HIF1A: variants seen among roughly 807,000 people sequenced by gnomAD.
HIF1A encodes the protein hypoxia-inducible factor 1-alpha.
A neutral mutation model predicts 92.7 loss-of-function variants in HIF1A; 24 were observed. The observed-to-expected ratio is 0.26, with a 90% CI of 0.19 to 0.36. The LOEUF (loss-of-function observed/expected upper bound fraction) is 0.36, where lower values mean the gene tolerates loss of function less well. Ranked by LOEUF, HIF1A falls within the 10% of genes least tolerant of loss-of-function variation. The probability of loss-of-function intolerance (pLI) is 1.00; values close to 1 mark genes in which losing one functional copy is unlikely to be tolerated. For synonymous variants in HIF1A, 319 were observed against 338.7 expected, an observed-to-expected ratio of 0.94 and a Z score of 0.64; for missense variants, 799 against 998.5, an observed-to-expected ratio of 0.80 and a Z score of 2.69.
At chr14:61,702,630 C>G (rs538260189) in intron 1 of HIF1A, among the ~76,000 whole-genome samples, 1 of 152,040 alleles carries the variant, frequency 6.6e-6, no homozygotes, top group East Asian at 1.9e-4. Flanking sequence ...ATTGATTATT[C>G]TCTTTGCTTT....
intron 1 of HIF1A, among the ~76,000 whole-genome samples, chr14:61,718,497 A>G (rs1429937118): frequency 6.6e-6 from 1 of 152,174 alleles, no homozygotes; most frequent in Non-Finnish European, 1.5e-5. Context: ...GGAATGGTGT[A>G]TGGAACTCCA....
chr14:61,712,916 G>A (rs1037869384), intron 1 of HIF1A, among the ~76,000 whole-genome samples: 3 of 150,056 alleles, frequency 2.0e-5, no homozygotes, highest in Admixed American at 6.7e-5. Context: ...AATAACTAGA[G>A]TGATCAGTTC....
chr14:61,701,056 G>A (rs1354536269), intron 1 of HIF1A, among the ~76,000 whole-genome samples: 1 of 152,208 alleles, frequency 6.6e-6, no homozygotes, highest in Non-Finnish European at 1.5e-5. Context: ...GGGTAAAATA[G>A]TGTACACCTG....
rs537615869 is a variant in HIF1A, at chr14:61,729,839, C to T, written c.773+2184C>T. Among the ~76,000 whole-genome samples, 5 of 152,204 alleles carry T rather than the reference C, an allele frequency of 3.3e-5. No homozygotes were observed. The South Asian group carries it at 1.0e-3, about 32-fold the overall frequency. On this transcript the variant is annotated intron_variant, in intron 6 of 14. Transcript: ENST00000337138. The stretch of plus-strand genomic sequence containing the variant: ...GAGGTAACAGTAAAGACAGCCAGCT[C>T]ATATATCAACCAAGACAGTTTTGAG...
intron 8 of HIF1A, among the ~76,000 whole-genome samples, chr14:61,736,488 C>T (rs1211725116): frequency 1.3e-5 from 2 of 152,076 alleles, no homozygotes; most frequent in South Asian, 4.2e-4. Context: ...TGCCCCTCTC[C>T]CCTAGTAGTC....
At chr14:61,710,095 C>T (rs1321488254) in intron 1 of HIF1A, among the ~76,000 whole-genome samples, 1 of 152,084 alleles carries the variant, frequency 6.6e-6, no homozygotes, top group Non-Finnish European at 1.5e-5. Flanking sequence ...ACATACATTA[C>T]ACACAGGAGT....
chr14:61,739,270 T>C (rs374669104), intron 10 of HIF1A, among the ~76,000 whole-genome samples: 4 of 152,210 alleles, frequency 2.6e-5, no homozygotes, highest in Non-Finnish European at 2.9e-5. Context: ...AATTGTCCTA[T>C]GAACACAAAA....
chr14:61,721,907 T>G, intron 4 of HIF1A, 84 bp downstream of exon 4: 1 of 920,188 alleles, frequency 1.1e-6, no homozygotes, highest in Non-Finnish European at 1.7e-6. Flanking sequence ...ACTTTGCTAT[T>G]GTACTTACCC....
intron 2 of HIF1A, 52 bp downstream of exon 2, chr14:61,720,624 T>A: frequency 8.8e-7 from 1 of 1,140,208 alleles, no homozygotes; most frequent in Non-Finnish European, 1.2e-6. Context: ...AAGTTAGAAG[T>A]AAATAGAAAT....
intron 1 of HIF1A, among the ~76,000 whole-genome samples, chr14:61,708,177 G>C (rs2140124396): frequency 6.6e-6 from 1 of 152,126 alleles, no homozygotes; most frequent in East Asian, 1.9e-4. Flanking sequence ...AAATTTGTTT[G>C]AGTTCATTGT....
intron 12 of HIF1A, among the ~76,000 whole-genome samples, chr14:61,742,334 T>C (rs2044721670): frequency 6.6e-6 from 1 of 152,240 alleles, no homozygotes; most frequent in African/African-American, 2.4e-5. Context: ...AAAGAACCAC[T>C]GTCGTAGCCA....
chr14:61,733,569 G>A lies in HIF1A; in HGVS notation c.881-569G>A, dbSNP rs1438719275. Among the ~76,000 whole-genome samples the A allele has an allele frequency of 3.9e-5, 6 of 152,122 alleles. No individual in the cohort carries two copies. The South Asian group carries it at 1.0e-3, about 26-fold the overall frequency. On this transcript the variant is annotated intron_variant, in intron 7 of 14. Transcript: ENST00000337138. ...TGAATATCACTGAGTTTGTGTGACT[G>A]ATCAGCCTTGAACTCAAGAGTAAAT... is the stretch of plus-strand genomic sequence containing the variant.
Position 61,720,405 on chromosome 14 carries a change from A to T in HIF1A, c.59A>T (p.Glu20Val). The change falls in exon 2 of 15, where the codon GAA becomes GTA. Residue 20 changes from glutamate to valine, a missense_variant. By Grantham distance (121) the Glu-to-Val change is moderately radical. Transcript: ENST00000337138. ...KKKISSERRK[E>V]KSRDAARSRR... ...AGGATAAGTTCTGAACGTCGAAAAG[A>T]AAAGTCTCGAGATGCAGCCAGATCT... The T allele has an allele frequency of 6.2e-7, 1 of 1,611,516 alleles. No individual in the cohort carries two copies. Among genetic ancestry groups the T allele is most frequent in the Non-Finnish European group, 8.5e-7 (1 of 1,179,282 alleles).
chr14:61,717,031 C>A (rs1372385492), intron 1 of HIF1A: 2 of 152,174 alleles, frequency 1.3e-5, no homozygotes, highest in Admixed American at 6.5e-5. Context: ...AAAAACAAAA[C>A]AGATGCAATT....
chr14:61,716,068 C>A (rs2140132296), intron 1 of HIF1A, among the ~76,000 whole-genome samples: 1 of 152,178 alleles, frequency 6.6e-6, no homozygotes, highest in Admixed American at 6.5e-5. Context: ...CTTTTCTTTG[C>A]ATTTTTCTTG....
chr14:61,710,275 G>T (rs2044291459), intron 1 of HIF1A, among the ~76,000 whole-genome samples: 1 of 152,138 alleles, frequency 6.6e-6, no homozygotes, highest in Non-Finnish European at 1.5e-5. Context: ...GTCAGTTAGG[G>T]ATTGACCCTG....
intron 1 of HIF1A, among the ~76,000 whole-genome samples, chr14:61,711,415 C>T (rs2044306877): frequency 6.6e-6 from 1 of 152,040 alleles, no homozygotes; most frequent in Non-Finnish European, 1.5e-5. Flanking sequence ...CACACATTTT[C>T]CTGACCACAT....
rs2044646007 is a variant in HIF1A at position 61,737,037 on chromosome 14, G to A, written c.1177G>A (p.Glu393Lys). ...TSSLFDKLKK[E>K]PDALTLLAPA... ...TAGCCTCTTTGACAAACTTAAGAAG[G>A]AACCTGATGCTTTAACTTTGCTGGC... Residue 393 changes from glutamate (E) to lysine (K), a missense_variant, in exon 9 of 15, where the codon GAA becomes AAA. Coordinates refer to ENST00000337138, the MANE Select transcript of HIF1A (RefSeq NM_001530.4). 1 of 1,614,040 alleles carries A rather than the reference G, an allele frequency of 6.2e-7. No individual in the cohort carries two copies. Among genetic ancestry groups the A allele is most frequent in the African/African-American group, 1.3e-5 (1 of 74,934 alleles).
intron 1 of HIF1A, among the ~76,000 whole-genome samples, chr14:61,716,172 C>T (rs571511839): frequency 4.7e-4 from 72 of 152,068 alleles, no homozygotes; most frequent in Non-Finnish European, 9.1e-4. Context: ...TAAAAAGATG[C>T]GTAATATATA....
Sources: allele counts gnomAD v4.1 joint callset (sites outside exome capture counted in the v4.1 genomes callset), GRCh38; gene constraint gnomAD v4.1.1; transcripts MANE v1.5; gene names NCBI Gene and HGNC (gene_info 2026-07-23, HGNC 2026-07-21).